Variants in PLEKHA2 observed in about 807,000 individuals in gnomAD.
PLEKHA2 encodes the protein pleckstrin homology domain containing A2.
Under a neutral mutation model 53.2 loss-of-function variants are expected in PLEKHA2, and 28 were observed. The ratio of observed to expected loss-of-function variants is 0.53; its 90% CI spans 0.39 to 0.72. PLEKHA2 has a LOEUF of 0.72. PLEKHA2 is among the 30% of genes least tolerant of loss of function. The pLI is 0.00. For missense variants in PLEKHA2, 426 were observed against 537.9 expected, an observed-to-expected ratio of 0.79 and a Z score of 2.06; for synonymous variants, 193 against 196.4, an observed-to-expected ratio of 0.98 and a Z score of 0.14.
chr8:38,940,982 T>TG, intron 3 of PLEKHA2, among the ~76,000 whole-genome samples: 1 of 152,074 alleles, frequency 6.6e-6, no homozygotes, highest in South Asian at 2.1e-4. Flanking sequence ...AATTTGTAAC[T>TG]GGCTCTAATT....
intron 1 of PLEKHA2, among the ~76,000 whole-genome samples, chr8:38,906,211 G>A (rs183876653): frequency 9.2e-5 from 14 of 152,356 alleles, no homozygotes; most frequent in African/African-American, 3.4e-4. Context: ...GCCTGCACTG[G>A]TGCCCTCTCT....
At chr8:38,903,807 G>T (rs2152362903) in intron 1 of PLEKHA2, among the ~76,000 whole-genome samples, 1 of 152,298 alleles carries the variant, frequency 6.6e-6, no homozygotes, top group East Asian at 1.9e-4. Context: ...AACTGCTGTG[G>T]CTCGACTTAT....
chr8:38,918,159 CTCGTG>C (rs779479105), intron 2 of PLEKHA2, 89 bp downstream of exon 2: 22 of 1,476,574 alleles, frequency 1.5e-5, no homozygotes, highest in Non-Finnish European at 2.0e-5. Context: ...CAGGCCTAGG[CTCGTG>C]AGCAACACAA....
chr8:38,906,920 T>C (rs1833885530), intron 1 of PLEKHA2, among the ~76,000 whole-genome samples: 1 of 152,184 alleles, frequency 6.6e-6, no homozygotes, highest in Non-Finnish European at 1.5e-5. Flanking sequence ...CTGCTCCATA[T>C]CTCTATACCT....
intron 2 of PLEKHA2, among the ~76,000 whole-genome samples, chr8:38,930,586 C>A (rs1834373426): frequency 6.6e-6 from 1 of 152,256 alleles, no homozygotes; most frequent in South Asian, 2.1e-4. Flanking sequence ...AATGTACAGA[C>A]CACTCCTGAC....
chr8:38,903,242 T>G (rs1032636938), intron 1 of PLEKHA2, among the ~76,000 whole-genome samples: 1 of 152,230 alleles, frequency 6.6e-6, no homozygotes, highest in African/African-American at 2.4e-5. Flanking sequence ...ACAGCATGCT[T>G]TCTACAAATT....
chr8:38,940,659 G>GGC lies in PLEKHA2; in HGVS notation c.199-3129_199-3128insCG, dbSNP rs1554558347. Among the ~76,000 whole-genome samples the GGC allele has an allele frequency of 2.7e-4, 27 of 100,552 alleles. No individual in the cohort carries two copies. In the Admixed American group the frequency reaches 3.0e-3, roughly 11 times the overall value. The allele number at this position is 100,552 out of a possible 152,430, so 66.0% of individuals were successfully genotyped here. A position where few individuals can be genotyped will look rare whatever the true frequency, so the allele number is the denominator to read the frequency against. ...GTCCAGATTGAAGGGGCGGGGGGGG[G>GGC]GGGTCAGAAACCCAGGAAGCAAGAT... On this transcript the variant is annotated intron_variant, in intron 3 of 11. Transcript: ENST00000617275.
Position 38,935,979 on chromosome 8 carries a change from CTA to C in PLEKHA2, c.142-13_142-12del. On this transcript the variant is annotated splice_polypyrimidine_tract_variant and intron_variant, in intron 2 of 11. Coordinates refer to ENST00000617275, the MANE Select transcript of PLEKHA2 (RefSeq NM_021623.2). ...TTCCACAGCCTTCTTAAAATGAAAA[CTA>C]TGTGTCTTTCAGAATCTGGCAATGG... The C allele has an allele frequency of 1.2e-6, 2 of 1,612,776 alleles. No homozygotes were observed. Among genetic ancestry groups the C allele is most frequent in the Non-Finnish European group, 8.5e-7 (1 of 1,178,990 alleles).
intron 1 of PLEKHA2, chr8:38,902,117 C>T (rs1043806435): frequency 6.6e-6 from 1 of 151,830 alleles, no homozygotes; most frequent in Non-Finnish European, 1.5e-5. Flanking sequence ...GTCGTTCTCT[C>T]TCTCACCAAC....
At chr8:38,940,659 G>A (rs1365472872) in intron 3 of PLEKHA2, among the ~76,000 whole-genome samples, 2 of 100,472 alleles carry the variant, frequency 2.0e-5, no homozygotes, top group Admixed American at 1.3e-4. Context: ...GCGGGGGGGG[G>A]GGGTCAGAAA....
chr8:38,957,283 T>C, intron 9 of PLEKHA2, 40 bp from the exon 10 acceptor site: 4 of 1,536,572 alleles, frequency 2.6e-6, no homozygotes, highest in Non-Finnish European at 2.7e-6. Context: ...TCTCTGAGTA[T>C]GTCAGCACGC....
chr8:38,953,215 G>T, intron 8 of PLEKHA2, 82 bp from the exon 9 acceptor site: 1 of 1,096,052 alleles, frequency 9.1e-7, no homozygotes, highest in Non-Finnish European at 1.4e-6. Context: ...CCATCTCTGA[G>T]AAAGGGGTAT....
rs149111337 is a variant in PLEKHA2 at position 38,915,329 on chromosome 8, C to T, written c.-23-2578C>T. 1.7e-3 allele frequency among the ~76,000 whole-genome samples: 266 copies of T among 152,306 alleles called. 1 individual carries two copies. Among genetic ancestry groups the T allele is most frequent in the Non-Finnish European group, 1.8e-3 (121 of 68,038 alleles). ...CTCAGGCCATCATAAACAAGGACCA[C>T]AGTTTGGATCGCTTAAACGGCAGAA... On this transcript the variant is annotated intron_variant, in intron 1 of 11. Transcript: ENST00000617275.
chr8:38,913,873 G>A (rs1833991760), intron 1 of PLEKHA2, among the ~76,000 whole-genome samples: 1 of 152,138 alleles, frequency 6.6e-6, no homozygotes, highest in Non-Finnish European at 1.5e-5. Flanking sequence ...TCCTGTTTCT[G>A]AACTCAAACT....
At chr8:38,937,070 G>T (rs534692256) in intron 3 of PLEKHA2, among the ~76,000 whole-genome samples, 4 of 152,330 alleles carry the variant, frequency 2.6e-5, no homozygotes, top group Non-Finnish European at 4.4e-5. Context: ...GGGACTGGGG[G>T]ACTCTGGAGG....
chr8:38,952,767 A>G, intron 8 of PLEKHA2, 63 bp downstream of exon 8: 1 of 1,507,770 alleles, frequency 6.6e-7, no homozygotes, highest in Non-Finnish European at 9.2e-7. Flanking sequence ...ATAGGTGCAC[A>G]CCCACAGGAG....
chr8:38,961,070 T>C (rs1365446563), intron 10 of PLEKHA2, among the ~76,000 whole-genome samples: 2 of 152,358 alleles, frequency 1.3e-5, no homozygotes, highest in East Asian at 3.8e-4. Context: ...ATTAACAGTC[T>C]TTGAGTGTAG....
intron 2 of PLEKHA2, among the ~76,000 whole-genome samples, chr8:38,928,663 G>A (rs946048554): frequency 1.3e-5 from 2 of 152,128 alleles, no homozygotes; most frequent in Admixed American, 1.3e-4. Flanking sequence ...AGCTGATACT[G>A]GTGTCTGTCA....
chr8:38,965,426 G>T (rs1835118654), intron 10 of PLEKHA2, among the ~76,000 whole-genome samples: 2 of 152,138 alleles, frequency 1.3e-5, no homozygotes, highest in Admixed American at 6.5e-5. Context: ...CTGATTATCG[G>T]ATTGTCATCC....
Sources: gnomAD v4.1 joint callset for allele counts (sites outside exome capture counted in the v4.1 genomes callset) on GRCh38, gnomAD v4.1.1 for gene constraint, MANE v1.5 for transcripts, NCBI Gene and HGNC (gene_info 2026-07-23, HGNC 2026-07-21) for gene names.